Variants in PLEKHA7 observed in about 807,000 individuals in gnomAD.
The protein encoded by PLEKHA7 is pleckstrin homology domain containing A7.
Under a neutral mutation model 170.0 loss-of-function variants are expected in PLEKHA7, and 104 were observed. The observed-to-expected ratio is 0.61, with a 90% CI of 0.52 to 0.72. PLEKHA7 has a LOEUF of 0.72. PLEKHA7 is among the 30% of genes least tolerant of loss of function. PLEKHA7 has a pLI of 0.00. For missense variants in PLEKHA7, 1,615 were observed against 1,671.7 expected, an observed-to-expected ratio of 0.97 and a Z score of 0.59; for synonymous variants, 648 against 660.8, an observed-to-expected ratio of 0.98 and a Z score of 0.30.
intron 3 of PLEKHA7, among the ~76,000 whole-genome samples, chr11:16,907,164 G>A (rs1857829807): frequency 9.0e-6 from 1 of 110,510 alleles, no homozygotes; most frequent in African/African-American, 3.8e-5. Flanking sequence ...GGGAGGTGGG[G>A]GGGTTAGCCC....
intron 12 of PLEKHA7, among the ~76,000 whole-genome samples, chr11:16,814,305 A>T (rs191821890): frequency 3.9e-5 from 6 of 152,340 alleles, no homozygotes; most frequent in Non-Finnish European, 7.3e-5. Context: ...TTTCACTGAC[A>T]TTCATTTTTC....
chr11:16,891,718 C>T (rs1041755661), intron 3 of PLEKHA7, among the ~76,000 whole-genome samples: 1 of 152,080 alleles, frequency 6.6e-6, no homozygotes, highest in African/African-American at 2.4e-5. Context: ...AGACTCCACC[C>T]AATTATGTGT....
intron 3 of PLEKHA7, among the ~76,000 whole-genome samples, chr11:16,946,224 G>A (rs781537020): frequency 9.9e-5 from 15 of 152,176 alleles, no homozygotes; most frequent in Non-Finnish European, 2.1e-4. Flanking sequence ...GAGAGATGGC[G>A]TCCATGCCAG....
chr11:16,923,426 G>A (rs544558237), intron 3 of PLEKHA7, among the ~76,000 whole-genome samples: 4 of 152,122 alleles, frequency 2.6e-5, no homozygotes, highest in Admixed American at 2.0e-4. Context: ...CAGGTGGCAG[G>A]GCAGGTGGCA....
chr11:16,779,890 G>C (rs1011097004), intron 26 of PLEKHA7, among the ~76,000 whole-genome samples: 6 of 151,732 alleles, frequency 4.0e-5, no homozygotes, highest in African/African-American at 1.2e-4. Context: ...ACATCAAAGG[G>C]GTTCAAACCC....
chr11:16,988,710 T>TCA (rs1171834736), intron 3 of PLEKHA7, among the ~76,000 whole-genome samples: 1 of 152,238 alleles, frequency 6.6e-6, no homozygotes, highest in African/African-American at 2.4e-5. Context: ...CCTCCCAAGG[T>TCA]GCTGGGATTA....
Position 16,816,259 on chromosome 11 carries a change from T to A in PLEKHA7, c.1872A>T (p.Ser624=). The change falls in exon 12 of 27, where the codon TCA becomes TCT. Residue 624 remains serine, a synonymous_variant. Transcript: ENST00000531066. ...GCATGGAGCGTCGGTCCACATGAGATGAGTTCTGCAAGTGGGGAGACAAGA... is the reference window on the plus strand; with the variant it reads ...GCATGGAGCGTCGGTCCACATGAGAAGAGTTCTGCAAGTGGGGAGACAAGA... The part of the protein sequence containing the change: ...RRARGHAVKN[S]SHVDRRSMPS... 1 of 1,611,936 alleles carries A rather than the reference T, an allele frequency of 6.2e-7. No homozygotes were observed. Among genetic ancestry groups the A allele is most frequent in the Non-Finnish European group, 8.5e-7 (1 of 1,178,262 alleles).
chr11:16,800,895 C>T (rs369204326), intron 17 of PLEKHA7, 79 bp downstream of exon 17: 2 of 1,224,788 alleles, frequency 1.6e-6, no homozygotes, highest in African/African-American at 1.5e-5. Flanking sequence ...ACAACCCCCA[C>T]AGGTGAAGTC....
In PLEKHA7 at chr11:16,802,999, G is replaced by A; in HGVS notation, c.2130C>T (p.Asp710=). ...TGTTCTCTTTAAGGGCTCGTATCTT[G>A]TCTTCCAAGTCCTGGAGGACCCTGT... ...EQDRVLQDLE[D]KIRALKENKD... Residue 710 remains aspartate, a synonymous_variant, in exon 15 of 27, where the codon GAC becomes GAT. Transcript: ENST00000531066. 6.2e-7 allele frequency: 1 copy of A among 1,614,122 alleles called. No individual in the cohort carries two copies. Among genetic ancestry groups the A allele is most frequent in the South Asian group, 1.1e-5 (1 of 91,078 alleles).
At chr11:16,996,890 C>T (rs149155147) in intron 3 of PLEKHA7, among the ~76,000 whole-genome samples, 3,288 of 151,802 alleles carry the variant, frequency 0.022, 111 homozygotes, top group African/African-American at 0.076. Flanking sequence ...GAGCCAAGAT[C>T]GTGCCACTGC....
At chr11:16,818,790 T>TC (rs1491552786) in intron 10 of PLEKHA7, among the ~76,000 whole-genome samples, 1 of 46,612 alleles carries the variant, frequency 2.1e-5, no homozygotes, top group Non-Finnish European at 5.1e-5. Flanking sequence ...TTATTTTCTT[T>TC]CTTTTTTTTT....
intron 13 of PLEKHA7, among the ~76,000 whole-genome samples, chr11:16,806,522 C>T (rs1216653921): frequency 6.6e-6 from 1 of 152,212 alleles, no homozygotes; most frequent in Non-Finnish European, 1.5e-5. Context: ...TCCACCACAT[C>T]CCAACCCACT....
intron 8 of PLEKHA7, among the ~76,000 whole-genome samples, chr11:16,844,705 G>C (rs450828): frequency 0.1 from 15,955 of 152,188 alleles, 906 homozygotes; most frequent in East Asian, 0.16. Context: ...GATATGGTTG[G>C]TCTCCTGGCT....
At chr11:16,927,610 G>A (rs1020839851) in intron 3 of PLEKHA7, among the ~76,000 whole-genome samples, 1 of 152,216 alleles carries the variant, frequency 6.6e-6, no homozygotes, top group African/African-American at 2.4e-5. Flanking sequence ...AGACTCCTTT[G>A]AATAATAACT....
chr11:16,853,017 G>A (rs1202652004), intron 6 of PLEKHA7, among the ~76,000 whole-genome samples: 3 of 152,092 alleles, frequency 2.0e-5, no homozygotes, highest in African/African-American at 7.2e-5. Flanking sequence ...GAATGTTTTG[G>A]GGTGAGTTTT....
intron 15 of PLEKHA7, 41 bp from the exon 16 acceptor site, chr11:16,801,858 A>G (rs769176561): frequency 2.5e-6 from 4 of 1,611,306 alleles, no homozygotes; most frequent in Non-Finnish European, 3.4e-6. Context: ...ATAGGAGGAC[A>G]GTCCCCAGAG....
intron 4 of PLEKHA7, among the ~76,000 whole-genome samples, chr11:16,861,390 G>T (rs185886690): frequency 1.3e-5 from 2 of 151,114 alleles, no homozygotes; most frequent in South Asian, 2.1e-4. Flanking sequence ...TCAGCTAGGC[G>T]CAGTGGCTTA....
At chr11:16,977,513 A>C (rs1863143573) in intron 3 of PLEKHA7, among the ~76,000 whole-genome samples, 1 of 152,200 alleles carries the variant, frequency 6.6e-6, no homozygotes, top group Non-Finnish European at 1.5e-5. Flanking sequence ...TTAGGTAAGA[A>C]TGAATGACTT....
At chr11:16,980,617 AG>A in intron 3 of PLEKHA7, among the ~76,000 whole-genome samples, 1 of 152,270 alleles carries the variant, frequency 6.6e-6, no homozygotes, top group East Asian at 1.9e-4. Flanking sequence ...TGGGGGGGAT[AG>A]GGGAATAAAA....
Sources: allele counts gnomAD v4.1 joint callset (sites outside exome capture counted in the v4.1 genomes callset), GRCh38; gene constraint gnomAD v4.1.1; transcripts MANE v1.5; gene names NCBI Gene and HGNC (gene_info 2026-07-23, HGNC 2026-07-21).